Variants in KCNAB1 observed in about 807,000 individuals in gnomAD.
The protein encoded by KCNAB1 is voltage-gated potassium channel subunit beta-1.
In KCNAB1, 35 loss-of-function variants were observed where a neutral mutation model predicts 64.6. The ratio of observed to expected loss-of-function variants is 0.54; its 90% CI spans 0.41 to 0.72. KCNAB1 has a LOEUF of 0.72. Among genes scored for constraint, KCNAB1 ranks in the 30% least tolerant of loss-of-function variants. The pLI is 0.00. For synonymous variants in KCNAB1, 177 were observed against 183.8 expected, an observed-to-expected ratio of 0.96 and a Z score of 0.30; for missense variants, 401 against 512.9, an observed-to-expected ratio of 0.78 and a Z score of 2.11.
Position 156,491,709 on chromosome 3 carries a change from T to C in KCNAB1, c.658+16889T>C, listed in dbSNP as rs533329757. ...ATTCATAAAAAAAATTAGCCTGTAA[T>C]TTATTTTCTTATATTGCCTTTATTT... On this transcript the variant is annotated intron_variant, in intron 8 of 13. Transcript: ENST00000490337. Among the ~76,000 whole-genome samples the C allele has an allele frequency of 9.9e-5, 15 of 152,224 alleles. 1 individual carries two copies. The highest frequency in any genetic ancestry group is 3.4e-4 in the African/African-American group (14 of 41,562).
intron 1 of KCNAB1, among the ~76,000 whole-genome samples, chr3:156,136,367 G>A (rs1714347917): frequency 6.6e-6 from 1 of 152,226 alleles, no homozygotes; most frequent in Non-Finnish European, 1.5e-5. Context: ...CTGGTGGGTT[G>A]TAGTGGCAAG....
intron 2 of KCNAB1, among the ~76,000 whole-genome samples, chr3:156,426,809 C>A (rs533931156): frequency 3.3e-5 from 5 of 152,206 alleles, no homozygotes; most frequent in Admixed American, 6.5e-5. Context: ...TTTGATAGTT[C>A]ATTTCTTTTT....
chr3:156,165,307 A>G (rs569901499), intron 1 of KCNAB1, among the ~76,000 whole-genome samples: 2 of 148,430 alleles, frequency 1.3e-5, no homozygotes, highest in South Asian at 4.3e-4. Flanking sequence ...AAAAAAAAAG[A>G]AAGCAAATAA....
chr3:156,300,274 A>G (rs1009916875), intron 1 of KCNAB1, among the ~76,000 whole-genome samples: 5 of 152,210 alleles, frequency 3.3e-5, no homozygotes, highest in Non-Finnish European at 5.9e-5. Flanking sequence ...GCTGCATCGG[A>G]AACTTCTTGT....
At chr3:156,466,170 A>T (rs1713358918) in intron 7 of KCNAB1, among the ~76,000 whole-genome samples, 1 of 152,098 alleles carries the variant, frequency 6.6e-6, no homozygotes, top group East Asian at 1.9e-4. Context: ...AAGCAACCAT[A>T]AATCTACTTT....
chr3:156,407,555 G>C (rs1368003866), intron 1 of KCNAB1, among the ~76,000 whole-genome samples: 1 of 152,208 alleles, frequency 6.6e-6, no homozygotes, highest in Non-Finnish European at 1.5e-5. Context: ...TGAATTGCAT[G>C]AATGAATAAT....
At chr3:156,249,726 A>G (rs551947519) in intron 1 of KCNAB1, among the ~76,000 whole-genome samples, 6 of 152,132 alleles carry the variant, frequency 3.9e-5, no homozygotes, top group Admixed American at 6.5e-5. Flanking sequence ...GCTCTATAAG[A>G]CCTTATACAA....
chr3:156,474,750 C>T lies in KCNAB1; in HGVS notation c.588C>T (p.Leu196=), dbSNP rs1219455932. ...TGCTCCCAGGATTGAAGGGCTCCCT[C>T]CAGAGGCTGCAGCTCGAGTATGTGG... ...KHIIEGLKGS[L]QRLQLEYVDV... Residue 196 remains leucine, a synonymous_variant, in exon 8 of 14, where the codon CTC becomes CTT. Transcript: ENST00000490337. The T allele has an allele frequency of 6.2e-7, 1 of 1,613,116 alleles. No homozygotes were observed. Among genetic ancestry groups the T allele is most frequent in the Non-Finnish European group, 8.5e-7 (1 of 1,179,410 alleles).
chr3:156,286,211 G>A (rs1720091569), intron 1 of KCNAB1, among the ~76,000 whole-genome samples: 1 of 151,996 alleles, frequency 6.6e-6, no homozygotes, highest in Non-Finnish European at 1.5e-5. Context: ...TGCAAATGTG[G>A]GCCCATACTA....
At chr3:156,127,662 G>A (rs1277837042) in intron 1 of KCNAB1, among the ~76,000 whole-genome samples, 1 of 152,170 alleles carries the variant, frequency 6.6e-6, no homozygotes, top group African/African-American at 2.4e-5. Context: ...ACTAAAGATG[G>A]TGATGATGTC....
intron 1 of KCNAB1, among the ~76,000 whole-genome samples, chr3:156,400,550 A>G (rs530200743): frequency 6.6e-6 from 1 of 152,282 alleles, no homozygotes; most frequent in South Asian, 2.1e-4. Context: ...TCACCTACAG[A>G]TTACATTTCA....
At position 156,120,611 on chromosome 3, in the gene KCNAB1, G is replaced by T. The variant is rs763918747; in HGVS notation, c.-1G>T. ...CCAGTCTTCTCTGAAAGATCTCCAC[G>T]ATGCTGGCAGCCCGGACAGGGGCAG... On this transcript the variant is annotated 5_prime_UTR_variant, in exon 1 of 14. Transcript: ENST00000490337. 2 of 1,613,762 alleles carry T rather than the reference G, an allele frequency of 1.2e-6. No individual in the cohort carries two copies. Among genetic ancestry groups the T allele is most frequent in the African/African-American group, 1.3e-5 (1 of 74,898 alleles).
chr3:156,332,546 C>T (rs995507321), intron 1 of KCNAB1, among the ~76,000 whole-genome samples: 3 of 152,140 alleles, frequency 2.0e-5, no homozygotes, highest in African/African-American at 7.2e-5. Flanking sequence ...GTGGTACAAG[C>T]ACAGTTTTTC....
intron 1 of KCNAB1, among the ~76,000 whole-genome samples, chr3:156,393,447 ACTT>A (rs1449671857): frequency 6.6e-6 from 1 of 152,054 alleles, no homozygotes; most frequent in Non-Finnish European, 1.5e-5. Context: ...GCCAGGTCTC[ACTT>A]CTTCTGTATA....
intron 1 of KCNAB1, among the ~76,000 whole-genome samples, chr3:156,308,104 A>G (rs1189756024): frequency 6.6e-6 from 1 of 152,226 alleles, no homozygotes; most frequent in East Asian, 1.9e-4. Context: ...GGTGCTATTG[A>G]AATAGGTTGG....
At chr3:156,468,540 G>C (rs1159411872) in intron 7 of KCNAB1, among the ~76,000 whole-genome samples, 2 of 152,062 alleles carry the variant, frequency 1.3e-5, no homozygotes, top group Middle Eastern at 3.2e-3. Context: ...CTTTGTGCAA[G>C]TTACTTAACC....
chr3:156,137,488 G>GA (rs1714423630), intron 1 of KCNAB1, among the ~76,000 whole-genome samples: 2 of 151,740 alleles, frequency 1.3e-5, no homozygotes, highest in South Asian at 2.1e-4. Flanking sequence ...GGATTGCCTA[G>GA]AAAAACACCA....
intron 2 of KCNAB1, among the ~76,000 whole-genome samples, chr3:156,426,097 T>A (rs1040070714): frequency 6.6e-6 from 1 of 152,168 alleles, no homozygotes; most frequent in Non-Finnish European, 1.5e-5. Flanking sequence ...TAGGTTTGAT[T>A]ATAAGAACCC....
At chr3:156,190,699 G>T (rs764637825) in intron 1 of KCNAB1, among the ~76,000 whole-genome samples, 84 of 150,668 alleles carry the variant, frequency 5.6e-4, no homozygotes, top group Non-Finnish European at 1.1e-3. Flanking sequence ...TTTAAGATTT[G>T]TTTTTTTTTG....
Sources: allele counts gnomAD v4.1 joint callset (sites outside exome capture counted in the v4.1 genomes callset), GRCh38; gene constraint gnomAD v4.1.1; transcripts MANE v1.5; gene names NCBI Gene and HGNC (gene_info 2026-07-23, HGNC 2026-07-21).